The following SPOCK3 variants were observed in gnomAD, a reference collection of about 807,000 sequenced individuals.
SPOCK3 encodes the protein SPARC (osteonectin), cwcv and kazal like domains proteoglycan 3, also known as testican-3.
A neutral mutation model predicts 56.6 loss-of-function variants in SPOCK3; 30 were observed. The observed-to-expected ratio is 0.53, with a 90% CI of 0.40 to 0.72. The LOEUF (loss-of-function observed/expected upper bound fraction) is 0.72, where lower values mean the gene tolerates loss of function less well. SPOCK3 is among the 30% of genes least tolerant of loss of function. The probability of loss-of-function intolerance (pLI) is 0.00; values close to 1 mark genes in which losing one functional copy is unlikely to be tolerated. For synonymous variants in SPOCK3, 196 were observed against 183.3 expected (o/e 1.07, Z -0.56); for missense variants, 527 against 530.0 (o/e 0.99, Z 0.06).
At chr4:167,183,306 C>A (rs1358092550) in intron 2 of SPOCK3, among the ~76,000 whole-genome samples, 3 of 152,126 alleles carry the variant, frequency 2.0e-5, no homozygotes, top group South Asian at 2.1e-4. Flanking sequence ...TTATGCACAT[C>A]ATAAAACCAA....
In SPOCK3 at chr4:167,167,813, G is replaced by A. The variant is rs78138825; in HGVS notation, c.189+66172C>T. Among the ~76,000 whole-genome samples the A allele has an allele frequency of 7.7e-3, 1,177 of 152,078 alleles. 18 individuals are homozygous for A. The highest frequency in any genetic ancestry group is 0.027 in the African/African-American group (1,103 of 41,506). ...GAAAATTCAGGGGACTGTTCATATCGGTACCTTTAACATATGTATGAATAG... is the reference window on the plus strand; with the variant it reads ...GAAAATTCAGGGGACTGTTCATATCAGTACCTTTAACATATGTATGAATAG... On this transcript the variant is annotated intron_variant, in intron 2 of 10. Coordinates refer to ENST00000357545, the MANE Select transcript of SPOCK3 (RefSeq NM_001040159.2).
At chr4:167,119,685 A>G in intron 2 of SPOCK3, 1 of 762,348 alleles carries the variant, frequency 1.3e-6, no homozygotes, top group South Asian at 2.0e-5. Context: ...TGCATATCAG[A>G]AAAACAACAC....
At chr4:167,231,269 G>A (rs1452134220) in intron 2 of SPOCK3, among the ~76,000 whole-genome samples, 1 of 151,778 alleles carries the variant, frequency 6.6e-6, no homozygotes, top group African/African-American at 2.4e-5. Flanking sequence ...TTTCATTAAG[G>A]AGTCACTTGT....
intron 2 of SPOCK3, among the ~76,000 whole-genome samples, chr4:167,207,020 T>C (rs1734409835): frequency 6.6e-6 from 1 of 152,106 alleles, no homozygotes; most frequent in African/African-American, 2.4e-5. Context: ...CCTGATCTTA[T>C]CACTATGTAT....
chr4:166,822,925 A>G (rs1232805384), intron 6 of SPOCK3, among the ~76,000 whole-genome samples: 1 of 152,056 alleles, frequency 6.6e-6, no homozygotes, highest in East Asian at 1.9e-4. Flanking sequence ...TGTTTATGGT[A>G]CAAAAACAGA....
chr4:166,766,974 G>A (rs906939291), intron 7 of SPOCK3, among the ~76,000 whole-genome samples: 2 of 152,252 alleles, frequency 1.3e-5, no homozygotes, highest in African/African-American at 4.8e-5. Context: ...GTTTATTTGT[G>A]TAGAGGTGTT....
At chr4:167,147,474 G>A (rs1050136698) in intron 2 of SPOCK3, among the ~76,000 whole-genome samples, 5 of 152,030 alleles carry the variant, frequency 3.3e-5, no homozygotes, top group African/African-American at 1.2e-4. Context: ...ATACCCAAAG[G>A]ATTATATATC....
At chr4:166,856,859 C>T (rs914957813) in intron 6 of SPOCK3, among the ~76,000 whole-genome samples, 3 of 150,950 alleles carry the variant, frequency 2.0e-5, no homozygotes, top group South Asian at 4.2e-4. Context: ...GATATGCAAT[C>T]GACTGGAAAA....
chr4:166,950,353 T>C (rs1579766519), intron 4 of SPOCK3, among the ~76,000 whole-genome samples: 1 of 151,316 alleles, frequency 6.6e-6, no homozygotes, highest in East Asian at 1.9e-4. Flanking sequence ...CATTACATAA[T>C]GGTAAAGGGA....
intron 2 of SPOCK3, among the ~76,000 whole-genome samples, chr4:167,100,013 TATA>T (rs1309556827): frequency 6.6e-6 from 1 of 152,182 alleles, no homozygotes; most frequent in Non-Finnish European, 1.5e-5. Context: ...ACTTTTTATT[TATA>T]ATATGTTCAG....
intron 3 of SPOCK3, among the ~76,000 whole-genome samples, chr4:167,034,196 A>G (rs1752526920): frequency 6.6e-6 from 1 of 152,038 alleles, no homozygotes; most frequent in Non-Finnish European, 1.5e-5. Context: ...AATAAGTGAA[A>G]AAATATTTTA....
chr4:167,217,757 A>G (rs1172444414), intron 2 of SPOCK3, among the ~76,000 whole-genome samples: 1 of 152,144 alleles, frequency 6.6e-6, no homozygotes, highest in Non-Finnish European at 1.5e-5. Flanking sequence ...GGTGGATAAT[A>G]TAACATGTGC....
chr4:166,981,630 C>T (rs775087982), intron 4 of SPOCK3, among the ~76,000 whole-genome samples: 2 of 152,170 alleles, frequency 1.3e-5, no homozygotes, highest in Non-Finnish European at 2.9e-5. Flanking sequence ...CAACATAATT[C>T]TCGCTCCTGT....
chr4:166,820,270 T>C (rs1744787874), intron 6 of SPOCK3, among the ~76,000 whole-genome samples: 1 of 152,098 alleles, frequency 6.6e-6, no homozygotes, highest in South Asian at 2.1e-4. Flanking sequence ...GATTTAGTCA[T>C]TCCATGTACA....
At chr4:166,753,972 A>C (rs538824042) in intron 8 of SPOCK3, 1 of 446,008 alleles carries the variant, frequency 2.2e-6, no homozygotes, top group African/African-American at 2.1e-5. Flanking sequence ...CTTAGTATTA[A>C]GACACTTTTT....
intron 5 of SPOCK3, among the ~76,000 whole-genome samples, chr4:166,898,751 A>C (rs1735684506): frequency 6.6e-6 from 1 of 152,160 alleles, no homozygotes; most frequent in Non-Finnish European, 1.5e-5. Context: ...GGGAGATGGA[A>C]ACCTCTTATC....
At chr4:166,876,324 T>C (rs1560961148) in intron 6 of SPOCK3, among the ~76,000 whole-genome samples, 1 of 152,158 alleles carries the variant, frequency 6.6e-6, no homozygotes. Context: ...AATTTGAGAC[T>C]AAAGAATTTT....
chr4:166,926,179 C>T (rs1481551003), intron 4 of SPOCK3, among the ~76,000 whole-genome samples: 1 of 150,710 alleles, frequency 6.6e-6, no homozygotes, highest in South Asian at 2.1e-4. Context: ...TTTACAAGCC[C>T]TTTGACCGGA....
At chr4:166,986,749 T>G (rs1367985579) in intron 4 of SPOCK3, among the ~76,000 whole-genome samples, 1 of 152,130 alleles carries the variant, frequency 6.6e-6, no homozygotes, top group Non-Finnish European at 1.5e-5. Context: ...TTTAATCTAG[T>G]GATTTTACAT....
Sources: gnomAD v4.1 joint callset for allele counts (sites outside exome capture counted in the v4.1 genomes callset) on GRCh38, gnomAD v4.1.1 for gene constraint, MANE v1.5 for transcripts, NCBI Gene and HGNC (gene_info 2026-07-23, HGNC 2026-07-21) for gene names.